RGMB: variants seen among roughly 807,000 people sequenced by gnomAD.
RGMB encodes the protein repulsive guidance molecule BMP co-receptor b, also known as repulsive guidance molecule B.
A neutral mutation model predicts 26.9 loss-of-function variants in RGMB; 16 were observed. That is an observed-to-expected ratio of 0.60 (90% CI 0.40 to 0.90). RGMB has a LOEUF of 0.90. Ranked by LOEUF, RGMB falls within the 40% of genes least tolerant of loss-of-function variation. The pLI is 0.00. For missense variants in RGMB, 512 were observed against 573.3 expected, an observed-to-expected ratio of 0.89 and a Z score of 1.09; for synonymous variants, 225 against 229.3, an observed-to-expected ratio of 0.98 and a Z score of 0.17.
In RGMB at chr5:98,794,421, C is replaced by G. The variant is rs1747050883; in HGVS notation, c.*668C>G. 1.3e-5 allele frequency: 2 copies of G among 152,092 alleles called. No homozygotes were observed. Among genetic ancestry groups the G allele is most frequent in the South Asian group, 4.1e-4 (2 of 4,828 alleles). The allele number at this position is 152,092 out of a possible 1,614,324, so 9.4% of individuals were successfully genotyped here. On this transcript the variant is annotated 3_prime_UTR_variant, in exon 3 of 3. Transcript: ENST00000513185. ...AATTCTAATTGTTATATATTTGAGC[C>G]CATACAGTGTATTAGGTTGAACCAT...
Position 98,795,745 on chromosome 5 carries a change from TGAG to T in RGMB, c.*1993_*1995del, listed in dbSNP as rs1167570384. ...TATCGTTAATAATTTGTTTTATAAT[TGAG>T]TAGTACAAGCGAGGAAAAAATACGG... On this transcript the variant is annotated 3_prime_UTR_variant, in exon 3 of 3. Coordinates refer to ENST00000513185, the MANE Select transcript of RGMB (RefSeq NM_001366508.1). 7.9e-5 allele frequency: 12 copies of T among 152,300 alleles called. No individual in the cohort carries two copies. The highest frequency in any genetic ancestry group is 6.5e-4 in the Admixed American group (10 of 15,298). The allele number at this position is 152,300 out of a possible 1,614,324, so 9.4% of individuals were successfully genotyped here.
upstream of RGMB, chr5:98,770,721 C>T (rs780968727): frequency 1.7e-6 from 2 of 1,206,452 alleles, no homozygotes; most frequent in Non-Finnish European, 2.2e-6. Flanking sequence ...GGCCCTCTTC[C>T]AAGTTGTACT....
At position 98,779,800 on chromosome 5, in the gene RGMB, G is replaced by A. The variant is rs751652348; in HGVS notation, c.357G>A (p.Arg119=). 4.3e-6 allele frequency: 7 copies of A among 1,613,902 alleles called. No individual in the cohort carries two copies. The highest frequency in any genetic ancestry group is 5.9e-6 in the Non-Finnish European group (7 of 1,179,906). Residue 119 remains arginine, a synonymous_variant, in exon 2 of 3, where the codon AGG becomes AGA. Transcript: ENST00000513185. The part of the protein sequence containing the change: ...VLGISDLMSQ[R]NCSKDGPTSS... ...GTATCAGTGACCTCATGAGCCAGAG[G>A]AATTGTTCCAAGGATGGACCCACAT...
At position 98,774,099 on chromosome 5, in the gene RGMB, C is replaced by T. The variant is rs1482757260; in HGVS notation, c.29C>T (p.Ala10Val). ...GGCTTGAGAGCAGCACCTTCCAGCG[C>T]CGCCGCTGCCGCCGCCGAGGTTGAG... is the stretch of plus-strand genomic sequence containing the variant. MGLRAAPSS[A>V]AAAAAEVEQR... The change falls in exon 1 of 3, where the codon GCC becomes GTC. Residue 10 changes from alanine (A) to valine (V), a missense_variant. Coordinates refer to ENST00000513185, the MANE Select transcript of RGMB (RefSeq NM_001366508.1). The T allele has an allele frequency of 3.2e-6, 4 of 1,246,574 alleles. No individual in the cohort carries two copies. The highest frequency in any genetic ancestry group is 4.5e-6 in the Non-Finnish European group (4 of 896,528). 77.2% of individuals were successfully genotyped at this position (1,246,574 alleles called of 1,614,324 possible).
In RGMB at chr5:98,793,578, G is replaced by A. The variant is rs2112382733; in HGVS notation, c.1139G>A (p.Gly380Asp). ...QSCVFDLLTT[G>D]DANFTAAAHS... ...TGTGTCTTCGACCTGCTCACCACTG[G>A]TGATGCCAACTTTACTGCCGCAGCC... The change falls in exon 3 of 3, where the codon GGT becomes GAT. Residue 380 changes from glycine to aspartate, a missense_variant. Transcript: ENST00000513185. 1 of 1,614,022 alleles carries A rather than the reference G, an allele frequency of 6.2e-7. No individual in the cohort carries two copies. Among genetic ancestry groups the A allele is most frequent in the Non-Finnish European group, 8.5e-7 (1 of 1,179,898 alleles).
intron 2 of RGMB, among the ~76,000 whole-genome samples, chr5:98,783,879 G>A (rs983976125): frequency 6.6e-6 from 1 of 152,154 alleles, no homozygotes; most frequent in Non-Finnish European, 1.5e-5. Context: ...TGTACAAGTA[G>A]TTTGAATGCC....
At chr5:98,789,364 T>A (rs1378037640) in intron 2 of RGMB, among the ~76,000 whole-genome samples, 1 of 152,216 alleles carries the variant, frequency 6.6e-6, no homozygotes, top group Non-Finnish European at 1.5e-5. Flanking sequence ...TTTTAAAACC[T>A]GTTTGTGGCA....
At chr5:98,792,134 C>T (rs559197625) in intron 2 of RGMB, among the ~76,000 whole-genome samples, 4 of 152,126 alleles carry the variant, frequency 2.6e-5, no homozygotes, top group Non-Finnish European at 5.9e-5. Context: ...TGATGTGAAA[C>T]ATTTGATTAA....
chr5:98,769,125 G>A (rs1272561709), upstream of RGMB, among the ~76,000 whole-genome samples: 3 of 152,184 alleles, frequency 2.0e-5, no homozygotes, highest in Non-Finnish European at 4.4e-5. Context: ...GTGGTGGGGG[G>A]AAGGCGAAGA....
upstream of RGMB, chr5:98,769,484 C>T (rs966249122): frequency 3.9e-5 from 6 of 152,390 alleles, no homozygotes; most frequent in African/African-American, 1.4e-4. Flanking sequence ...CGGAGCCTCC[C>T]TCCCGCCCCG....
At chr5:98,780,449 A>G (rs1746561392) in intron 2 of RGMB, 1 of 172,654 alleles carries the variant, frequency 5.8e-6, no homozygotes. Flanking sequence ...CAGATTTATC[A>G]GATGATTGAA....
chr5:98,781,289 T>C (rs1746597768), intron 2 of RGMB: 1 of 152,192 alleles, frequency 6.6e-6, no homozygotes, highest in Admixed American at 6.5e-5. Context: ...AAGACGACTG[T>C]TACACTGGTC....
intron 1 of RGMB, 61 bp from the exon 2 acceptor site, chr5:98,779,519 C>T (rs1746519722): frequency 1.4e-6 from 2 of 1,424,416 alleles, no homozygotes; most frequent in Non-Finnish European, 1.9e-6. Context: ...GTGATTTTCT[C>T]ATGTAGCTCA....
chr5:98,780,495 A>G (rs1746566990), intron 2 of RGMB: 1 of 159,472 alleles, frequency 6.3e-6, no homozygotes, highest in East Asian at 1.9e-4. Flanking sequence ...GTGAGGCCTG[A>G]GGCAGTGACG....
Position 98,779,750 on chromosome 5 carries a change from C to T in RGMB, c.307C>T (p.Leu103=). The change falls in exon 2 of 3, where the codon CTG becomes TTG. Residue 103 remains leucine (L), a synonymous_variant. Transcript: ENST00000513185. ...AACTTCAAAAGCCTGCCGTGGCAACCTGGTATACCATTCTGCCGTGTTGGG... is the reference window on the plus strand; with the variant it reads ...AACTTCAAAAGCCTGCCGTGGCAACTTGGTATACCATTCTGCCGTGTTGGG... ...QRTSKACRGN[L]VYHSAVLGIS... 1 of 1,613,972 alleles carries T rather than the reference C, an allele frequency of 6.2e-7. No homozygotes were observed. The highest frequency in any genetic ancestry group is 8.5e-7 in the Non-Finnish European group (1 of 1,179,836).
chr5:98,774,199 C>T lies in RGMB; in HGVS notation c.129C>T (p.Leu43=), dbSNP rs1746303419. 1 of 1,479,176 alleles carries T rather than the reference C, an allele frequency of 6.8e-7. No homozygotes were observed. The highest frequency in any genetic ancestry group is 8.9e-7 in the Non-Finnish European group (1 of 1,123,208). 91.6% of individuals were successfully genotyped at this position (1,479,176 alleles called of 1,614,324 possible). Residue 43 remains leucine (L), a synonymous_variant, in exon 1 of 3, where the codon CTC becomes CTT. Coordinates refer to ENST00000513185, the MANE Select transcript of RGMB (RefSeq NM_001366508.1). ...LLLLLFSLGL[L]HAGDCQQPAQ... is the part of the protein sequence containing the mutation. ...TGCTGCTGTTCAGCCTCGGGCTGCT[C>T]CACGCAGGTAGGACGGGAGCGCGCG...
rs1479494206 is a variant in RGMB, at chr5:98,780,012, T to C, written c.569T>C (p.Ile190Thr). The change falls in exon 2 of 3, where the codon ATA (isoleucine) becomes ACA (threonine). Residue 190 changes from isoleucine to threonine, a missense_variant. Transcript: ENST00000513185. ...AAAGTAGAAGGGGCCTGGCCACTCA[T>C]AGATAATAATTATCTTTCAGTTCAA... ...TCKVEGAWPL[I>T]DNNYLSVQVT... 8.1e-6 allele frequency: 13 copies of C among 1,613,694 alleles called. No individual in the cohort carries two copies. In the Admixed American group the frequency reaches 1.5e-4, roughly 19 times the overall value.
At chr5:98,769,878 C>CCCG (rs1173903427), upstream of RGMB, 1 of 152,716 alleles carries the variant, frequency 6.5e-6, no homozygotes, top group Non-Finnish European at 1.5e-5. Flanking sequence ...TTACGCTCAC[C>CCCG]CCGCCCTCCA....
chr5:98,779,724 G>C lies in RGMB; in HGVS notation c.281G>C (p.Arg94Pro), dbSNP rs768159076. Residue 94 changes from arginine to proline, a missense_variant, in exon 2 of 3, where the codon CGA becomes CCA. Coordinates refer to ENST00000513185, the MANE Select transcript of RGMB (RefSeq NM_001366508.1). ...ALRAYAGCTQ[R>P]TSKACRGNLV... is the part of the protein sequence containing the mutation. Reference sequence around the variant, plus strand: ...CGTGCCTATGCTGGCTGCACCCAGCGAACTTCAAAAGCCTGCCGTGGCAAC... The same window carrying C: ...CGTGCCTATGCTGGCTGCACCCAGCCAACTTCAAAAGCCTGCCGTGGCAAC... 6.2e-7 allele frequency: 1 copy of C among 1,612,964 alleles called. No individual in the cohort carries two copies. The highest frequency in any genetic ancestry group is 8.5e-7 in the Non-Finnish European group (1 of 1,179,068).
Sources: gnomAD v4.1 joint callset for allele counts (sites outside exome capture counted in the v4.1 genomes callset) on GRCh38, gnomAD v4.1.1 for gene constraint, MANE v1.5 for transcripts, NCBI Gene and HGNC (gene_info 2026-07-23, HGNC 2026-07-21) for gene names.